GRHL2: variants seen among roughly 807,000 people sequenced by gnomAD.
GRHL2 encodes the protein grainyhead-like protein 2 homolog.
A neutral mutation model predicts 83.8 loss-of-function variants in GRHL2; 21 were observed. The ratio of observed to expected loss-of-function variants is 0.25; its 90% CI spans 0.18 to 0.36. GRHL2 has a LOEUF of 0.36. Ranked by LOEUF, GRHL2 falls within the 10% of genes least tolerant of loss-of-function variation. The pLI, the probability that GRHL2 is intolerant of heterozygous loss-of-function variation, is 1.00. For missense variants in GRHL2, 623 were observed against 781.8 expected (o/e 0.80, Z 2.42); for synonymous variants, 280 against 278.9 (o/e 1.00, Z -0.04).
intron 7 of GRHL2, among the ~76,000 whole-genome samples, chr8:101,591,389 T>A (rs138243719): frequency 6.6e-6 from 1 of 152,344 alleles, no homozygotes; most frequent in African/African-American, 2.4e-5. Flanking sequence ...TATGTGGAGA[T>A]ATTTTCTTGT....
intron 8 of GRHL2, among the ~76,000 whole-genome samples, chr8:101,612,208 T>C (rs1812763969): frequency 6.6e-6 from 1 of 151,034 alleles, no homozygotes; most frequent in South Asian, 2.1e-4. Context: ...CAGGTTAGTC[T>C]CGAACTCCTG....
At chr8:101,644,422 C>G (rs910434415) in intron 13 of GRHL2, among the ~76,000 whole-genome samples, 197 bp downstream of exon 13, 1 of 152,164 alleles carries the variant, frequency 6.6e-6, no homozygotes, top group African/African-American at 2.4e-5. Context: ...TTTGTCATTC[C>G]TGGGTGCTGG....
At chr8:101,665,448 G>C (rs1203833857) in intron 15 of GRHL2, among the ~76,000 whole-genome samples, 2 of 152,184 alleles carry the variant, frequency 1.3e-5, no homozygotes, top group East Asian at 3.9e-4. Context: ...GAGTCCTGTT[G>C]GTTGATTGGA....
intron 4 of GRHL2, among the ~76,000 whole-genome samples, chr8:101,559,366 A>C (rs1586094605): frequency 6.8e-6 from 1 of 148,074 alleles, no homozygotes; most frequent in African/African-American, 2.6e-5. Flanking sequence ...AAAAAAAAAA[A>C]AAAAAAAAAA....
chr8:101,506,989 T>C (rs1810353993), intron 1 of GRHL2, among the ~76,000 whole-genome samples: 1 of 152,346 alleles, frequency 6.6e-6, no homozygotes, highest in African/African-American at 2.4e-5. Context: ...GGAACTTGGC[T>C]GAGGGGGACT....
At chr8:101,650,215 A>G (rs1303323075) in intron 14 of GRHL2, among the ~76,000 whole-genome samples, 2 of 152,200 alleles carry the variant, frequency 1.3e-5, no homozygotes, top group Non-Finnish European at 2.9e-5. Flanking sequence ...AAACTGCTAC[A>G]TTGGAGCAGC....
chr8:101,604,434 A>G (rs908232328), intron 8 of GRHL2, among the ~76,000 whole-genome samples: 1 of 151,806 alleles, frequency 6.6e-6, no homozygotes, highest in Admixed American at 6.6e-5. Flanking sequence ...TGGGCCCCTT[A>G]TTTTTGTCCA....
intron 11 of GRHL2, among the ~76,000 whole-genome samples, chr8:101,633,546 G>A (rs1323423766): frequency 6.6e-6 from 1 of 152,200 alleles, no homozygotes; most frequent in African/African-American, 2.4e-5. Context: ...CTACAACCAC[G>A]GCTTTTTTGT....
chr8:101,500,355 T>A (rs1036650731), intron 1 of GRHL2, among the ~76,000 whole-genome samples: 3 of 152,206 alleles, frequency 2.0e-5, no homozygotes, highest in African/African-American at 7.2e-5. Flanking sequence ...CACCCTACCA[T>A]CTACCTGCCT....
At chr8:101,679,575 C>T in the GRHL2 span, among the ~76,000 whole-genome samples, 422 of 150,300 alleles carry the variant, frequency 2.8e-3, 2 homozygotes, top group East Asian at 0.019. Context: ...ATACAGAGAA[C>T]GTCACAAAGA....
intron 14 of GRHL2, among the ~76,000 whole-genome samples, chr8:101,655,139 G>A (rs141603042): frequency 0.014 from 2,093 of 151,564 alleles, 21 homozygotes; most frequent in Non-Finnish European, 0.023. Flanking sequence ...CCAAGATTGC[G>A]CCATTGCACT....
At chr8:101,665,339 G>T (rs1224533033) in intron 15 of GRHL2, among the ~76,000 whole-genome samples, 2 of 152,142 alleles carry the variant, frequency 1.3e-5, no homozygotes, top group African/African-American at 2.4e-5. Context: ...AGCTTCTGGG[G>T]TATTTTCCTA....
chr8:101,615,668 A>C (rs543790914), intron 8 of GRHL2, among the ~76,000 whole-genome samples: 1 of 152,286 alleles, frequency 6.6e-6, no homozygotes, highest in East Asian at 1.9e-4. Flanking sequence ...GATGTTTTTC[A>C]GGTGTTCCCT....
rs143970569 is a variant in GRHL2, at chr8:101,634,147, G to A, written c.1485+1782G>A. Reference sequence around the variant, plus strand: ...CAATCAGCACCCCCCTGTATATCCTGCCTATATATCCCCCTGTATATCTGG... The same window carrying A: ...CAATCAGCACCCCCCTGTATATCCTACCTATATATCCCCCTGTATATCTGG... On this transcript the variant is annotated intron_variant, in intron 11 of 15. Transcript: ENST00000646743. Among the ~76,000 whole-genome samples, 781 of 152,214 alleles carry A rather than the reference G, an allele frequency of 5.1e-3. 5 individuals carry two copies. Among genetic ancestry groups the A allele is most frequent in the Middle Eastern group, 0.024 (7 of 294 alleles).
At chr8:101,564,427 G>T (rs992462593) in intron 4 of GRHL2, among the ~76,000 whole-genome samples, 1 of 152,164 alleles carries the variant, frequency 6.6e-6, no homozygotes, top group Admixed American at 6.5e-5. Context: ...GTATGTGCAC[G>T]TGCATGTGTG....
chr8:101,602,664 G>C (rs1418029864), intron 8 of GRHL2, among the ~76,000 whole-genome samples: 2 of 152,208 alleles, frequency 1.3e-5, no homozygotes, highest in African/African-American at 4.8e-5. Context: ...CATTAGGCCT[G>C]AGTGTTTGCA....
intron 1 of GRHL2, 174 bp downstream of exon 1, chr8:101,492,963 G>T: frequency 2.9e-6 from 2 of 682,314 alleles, no homozygotes; most frequent in East Asian, 2.7e-5. Flanking sequence ...TGATTAAGGG[G>T]AGAAACCCTA....
At chr8:101,645,736 G>GTA (rs1813499485) in intron 13 of GRHL2, among the ~76,000 whole-genome samples, 1 of 152,054 alleles carries the variant, frequency 6.6e-6, no homozygotes, top group African/African-American at 2.4e-5. Context: ...GTTCGCTGTT[G>GTA]TAACTGTTAG....
At chr8:101,528,993 T>C in intron 1 of GRHL2, 1 of 365,078 alleles carries the variant, frequency 2.7e-6, no homozygotes. Flanking sequence ...TCTTCTGCAT[T>C]CTCTCTCCCT....
Sources: gnomAD v4.1 joint callset for allele counts (sites outside exome capture counted in the v4.1 genomes callset) on GRCh38, gnomAD v4.1.1 for gene constraint, MANE v1.5 for transcripts, NCBI Gene and HGNC (gene_info 2026-07-23, HGNC 2026-07-21) for gene names.